The following EYS variants were observed in gnomAD, a reference collection of about 807,000 sequenced individuals.
EYS encodes EGF-like photoreceptor maintenance factor, also known as protein eyes shut homolog.
EYS carries 250 observed loss-of-function variants against 282.1 expected under a neutral mutation model. The ratio of observed to expected loss-of-function variants is 0.89; its 90% confidence interval spans 0.80 to 0.98. The LOEUF is 0.98. EYS is among the 50% of genes least tolerant of loss of function. EYS has a pLI of 0.00. For missense variants in EYS, 4,016 were observed against 3,709.0 expected, an observed-to-expected ratio of 1.08 and a Z score of -2.15; for synonymous variants, 1,355 against 1,282.9, an observed-to-expected ratio of 1.06 and a Z score of -1.20.
At chr6:65,652,434 A>T (rs527775995) in intron 1 of EYS, among the ~76,000 whole-genome samples, 2 of 152,082 alleles carry the variant, frequency 1.3e-5, no homozygotes, top group Admixed American at 6.6e-5. Context: ...AGAGAAAGAA[A>T]ATATCCCAGA....
chr6:64,147,648 AAGG>A (rs999785764), intron 31 of EYS, among the ~76,000 whole-genome samples: 12 of 152,160 alleles, frequency 7.9e-5, no homozygotes, highest in African/African-American at 2.9e-4. Flanking sequence ...ATTTCAGAAC[AAGG>A]AGGACTCCAC....
At chr6:65,066,907 T>A (rs1002623466) in intron 12 of EYS, among the ~76,000 whole-genome samples, 14 of 152,318 alleles carry the variant, frequency 9.2e-5, no homozygotes, top group Admixed American at 7.8e-4. Flanking sequence ...ACTGGTCATT[T>A]AAATGTGATA....
At chr6:65,218,917 AAGCAAGTG>A (rs1766386985) in intron 12 of EYS, among the ~76,000 whole-genome samples, 4 of 152,112 alleles carry the variant, frequency 2.6e-5, no homozygotes, top group Non-Finnish European at 4.4e-5. Flanking sequence ...AATGAAAACA[AAGCAAGTG>A]AACAGTGATA....
chr6:64,540,475 ATTTTTTTT>A lies in EYS; in HGVS notation c.5644+49740_5644+49747del, dbSNP rs397888030. The stretch of plus-strand genomic sequence containing the variant: ...AATTGATGCTGAGGTCCAAGTACAG[ATTTTTTTT>A]TTTTTTTTTTTTTTTTTGAGATGGA... On this transcript the variant is annotated intron_variant, in intron 26 of 42. Coordinates refer to ENST00000503581, the MANE Select transcript of EYS (RefSeq NM_001142800.2). Among the ~76,000 whole-genome samples, 8 of 83,508 alleles carry A rather than the reference ATTTTTTTT, an allele frequency of 9.6e-5. No homozygotes were observed. The Admixed American group carries it at 9.7e-4, about 10-fold the overall frequency. 54.8% of individuals were successfully genotyped at this position (83,508 alleles called of 152,430 possible). A position where few individuals can be genotyped will look rare whatever the true frequency, so the allele number is the denominator to read the frequency against.
intron 2 of EYS, among the ~76,000 whole-genome samples, chr6:65,623,038 C>T (rs1162477862): frequency 6.6e-6 from 1 of 152,122 alleles, no homozygotes; most frequent in Non-Finnish European, 1.5e-5. Flanking sequence ...GATTGTAGGC[C>T]TGGGCCTCCA....
At chr6:64,129,387 T>G (rs543538584) in intron 31 of EYS, among the ~76,000 whole-genome samples, 1 of 152,346 alleles carries the variant, frequency 6.6e-6, no homozygotes, top group African/African-American at 2.4e-5. Context: ...ATGATGAACA[T>G]TTTTTCATTT....
At chr6:64,112,779 A>T (rs551571437) in intron 31 of EYS, among the ~76,000 whole-genome samples, 5 of 147,044 alleles carry the variant, frequency 3.4e-5, no homozygotes, top group Non-Finnish European at 7.4e-5. Flanking sequence ...TATCTAGAAT[A>T]ATATATATCT....
chr6:64,857,459 T>C (rs1407826710), intron 19 of EYS, among the ~76,000 whole-genome samples: 2 of 152,208 alleles, frequency 1.3e-5, no homozygotes, highest in African/African-American at 4.8e-5. Context: ...TGAATAGTAT[T>C]CCATTGTGTA....
intron 32 of EYS, among the ~76,000 whole-genome samples, chr6:64,070,907 A>AT (rs1771549782): frequency 1.3e-5 from 2 of 152,158 alleles, no homozygotes; most frequent in African/African-American, 4.8e-5. Context: ...ACCATGAGCG[A>AT]AAATGTCAAC....
At chr6:65,659,098 A>T (rs2149824164) in intron 1 of EYS, among the ~76,000 whole-genome samples, 1 of 151,704 alleles carries the variant, frequency 6.6e-6, no homozygotes, top group South Asian at 2.1e-4. Context: ...TATTTAATTT[A>T]TAGCCTTACA....
chr6:64,532,525 T>G lies in EYS; in HGVS notation c.5644+57698A>C, dbSNP rs184677410. ...GAGATCGAGACCATCCTGGCTAACATGGTGAAACCCCGTCTCTACTAAAAA... is the reference window on the plus strand; with the variant it reads ...GAGATCGAGACCATCCTGGCTAACAGGGTGAAACCCCGTCTCTACTAAAAA... On this transcript the variant is annotated intron_variant, in intron 26 of 42. Coordinates refer to ENST00000503581, the MANE Select transcript of EYS (RefSeq NM_001142800.2). Among the ~76,000 whole-genome samples the G allele has an allele frequency of 1.9e-3, 287 of 152,066 alleles. 7 individuals are homozygous for G. The East Asian group carries it at 0.047, about 25-fold the overall frequency.
rs70999201 is a variant in EYS at position 65,374,502 on chromosome 6, G to GTT, written c.1299+9882_1299+9883dup. ...GGGCAGACACTGAGCTACCTGCGGA[G>GTT]TTTTTTTTTTTTTCGTACCCCACTG... On this transcript the variant is annotated intron_variant, in intron 8 of 42. Coordinates refer to ENST00000503581, the MANE Select transcript of EYS (RefSeq NM_001142800.2). 2.4e-3 allele frequency among the ~76,000 whole-genome samples: 347 copies of GTT among 144,584 alleles called. 1 individual carries two copies. The highest frequency in any genetic ancestry group is 5.3e-3 in the East Asian group (26 of 4,884). 94.9% of individuals were successfully genotyped at this position (144,584 alleles called of 152,430 possible).
intron 12 of EYS, among the ~76,000 whole-genome samples, chr6:65,242,397 G>A (rs1562045067): frequency 6.6e-6 from 1 of 151,984 alleles, no homozygotes; most frequent in Non-Finnish European, 1.5e-5. Flanking sequence ...CTTTGTGACT[G>A]TCTTGTTTTT....
chr6:65,089,446 A>C (rs530435462), intron 12 of EYS, among the ~76,000 whole-genome samples: 3 of 152,224 alleles, frequency 2.0e-5, no homozygotes, highest in South Asian at 4.1e-4. Context: ...CTGCCCTATT[A>C]GATTTTGAAC....
chr6:64,400,491 C>T (rs1020285462), intron 28 of EYS: 21 of 151,976 alleles, frequency 1.4e-4, no homozygotes, highest in African/African-American at 5.1e-4. Context: ...AGATGCAATT[C>T]TAATATTTCA....
chr6:65,275,642 A>T lies in EYS; in HGVS notation c.2023+20221T>A, dbSNP rs536244301. On this transcript the variant is annotated intron_variant, in intron 12 of 42. Transcript: ENST00000503581. ...TGGCCAAAAGGGCAATCATATATGGATTCATGGGCTGTTTCTGTAGCCAAT... is the reference window on the plus strand; with the variant it reads ...TGGCCAAAAGGGCAATCATATATGGTTTCATGGGCTGTTTCTGTAGCCAAT... Among the ~76,000 whole-genome samples the T allele has an allele frequency of 2.0e-5, 3 of 152,278 alleles. No individual in the cohort carries two copies. The South Asian group carries it at 6.2e-4, about 32-fold the overall frequency.
intron 13 of EYS, among the ~76,000 whole-genome samples, chr6:65,012,152 A>T (rs1319638208): frequency 2.0e-5 from 3 of 152,168 alleles, no homozygotes; most frequent in South Asian, 4.1e-4. Context: ...ATCCTGAAAA[A>T]TTTTTTATAT....
chr6:64,591,744 T>C lies in EYS; in HGVS notation c.4123A>G (p.Thr1375Ala). ...KTSVSHMPIR[T>A]SAATLGFFFP... ...AAGAAACCTAGTGTGGCTGCTGAAG[T>C]TCGAATAGGCATATGTGATACCGAT... Residue 1375 changes from threonine to alanine, a missense_variant, in exon 26 of 43, where the codon ACT becomes GCT. Thr to Ala is a moderately conservative substitution (Grantham distance 58). Transcript: ENST00000503581. 6.4e-7 allele frequency: 1 copy of C among 1,551,352 alleles called. No homozygotes were observed. The highest frequency in any genetic ancestry group is 8.7e-7 in the Non-Finnish European group (1 of 1,146,764).
At chr6:64,521,126 G>A (rs1027258777) in intron 26 of EYS, among the ~76,000 whole-genome samples, 2 of 151,762 alleles carry the variant, frequency 1.3e-5, no homozygotes, top group African/African-American at 4.8e-5. Flanking sequence ...ACATGTCTGA[G>A]TAGTTTTCAG....
Sources: allele counts gnomAD v4.1 joint callset (sites outside exome capture counted in the v4.1 genomes callset), GRCh38; gene constraint gnomAD v4.1.1; transcripts MANE v1.5; gene names NCBI Gene and HGNC (gene_info 2026-07-23, HGNC 2026-07-21).